The following GLUD1 variants were observed in gnomAD, a reference collection of about 807,000 sequenced individuals.
GLUD1 encodes the protein glutamate dehydrogenase 1.
Under a neutral mutation model 56.0 loss-of-function variants are expected in GLUD1, and 22 were observed. The observed-to-expected ratio is 0.39, with a 90% CI of 0.28 to 0.56. The LOEUF (loss-of-function observed/expected upper bound fraction) is 0.56. Ranked by LOEUF, GLUD1 falls within the 20% of genes least tolerant of loss-of-function variation. The probability of loss-of-function intolerance (pLI) is 0.58; values close to 1 mark genes in which losing one functional copy is unlikely to be tolerated. For synonymous variants in GLUD1, 223 were observed against 269.9 expected, an observed-to-expected ratio of 0.83 and a Z score of 1.70; for missense variants, 451 against 732.0, an observed-to-expected ratio of 0.62 and a Z score of 4.43.
In GLUD1 at chr10:87,060,631, C is replaced by G; in HGVS notation, c.1197+57G>C. The G allele has an allele frequency of 2.5e-6, 4 of 1,603,516 alleles. No homozygotes were observed. In the South Asian group the frequency reaches 4.4e-5, roughly 18 times the overall value. ...AAAACTCAATCAGACTCTTCTATGA[C>G]CCCCCTAACGTCATTCACATTGATA... On this transcript the variant is annotated intron_variant, in intron 8 of 12. Coordinates refer to ENST00000277865, the MANE Select transcript of GLUD1 (RefSeq NM_005271.5).
intron 1 of GLUD1, among the ~76,000 whole-genome samples, chr10:87,078,303 TCCC>T (rs1248529859): frequency 6.6e-6 from 1 of 152,180 alleles, no homozygotes; most frequent in East Asian, 1.9e-4. Flanking sequence ...TATAGCTCAC[TCCC>T]CCATTTCATT....
intron 1 of GLUD1, among the ~76,000 whole-genome samples, chr10:87,092,215 T>C (rs1841525300): frequency 6.6e-6 from 1 of 152,254 alleles, no homozygotes; most frequent in South Asian, 2.1e-4. Context: ...CTGTTTAGTA[T>C]ACTGTTTATT....
chr10:87,073,744 G>A (rs777827271), intron 4 of GLUD1, among the ~76,000 whole-genome samples: 2 of 147,552 alleles, frequency 1.4e-5, no homozygotes, highest in Non-Finnish European at 3.0e-5. Flanking sequence ...TCAGCCTCCT[G>A]AGTAGCTGGG....
chr10:87,079,590 C>T (rs1441697564), intron 1 of GLUD1, among the ~76,000 whole-genome samples: 1 of 152,204 alleles, frequency 6.6e-6, no homozygotes, highest in Non-Finnish European at 1.5e-5. Context: ...GGCGACCCAG[C>T]CTGCACCATC....
intron 1 of GLUD1, among the ~76,000 whole-genome samples, chr10:87,085,817 T>C (rs956196918): frequency 1.3e-5 from 2 of 152,340 alleles, no homozygotes; most frequent in African/African-American, 2.4e-5. Flanking sequence ...ACTTACAGCC[T>C]GACAGATGGA....
chr10:87,055,648 T>C (rs1349357828), intron 11 of GLUD1, among the ~76,000 whole-genome samples: 1 of 152,024 alleles, frequency 6.6e-6, no homozygotes. Flanking sequence ...GTATTCCAGA[T>C]AAAAGGACCA....
chr10:87,068,459 TA>T (rs1846136653), intron 4 of GLUD1, among the ~76,000 whole-genome samples: 1 of 152,212 alleles, frequency 6.6e-6, no homozygotes, highest in African/African-American at 2.4e-5. Context: ...GACCAGAGGT[TA>T]ATCAGTTTAG....
At chr10:87,053,238 G>T in intron 12 of GLUD1, 104 bp downstream of exon 12, 1 of 794,252 alleles carries the variant, frequency 1.3e-6, no homozygotes, top group East Asian at 2.5e-5. Flanking sequence ...CCATTGAACA[G>T]ATTGATGTTT....
chr10:87,056,231 A>G (rs1016693743), intron 11 of GLUD1, among the ~76,000 whole-genome samples: 1 of 151,746 alleles, frequency 6.6e-6, no homozygotes, highest in African/African-American at 2.4e-5. Context: ...GATATAAGTC[A>G]GCCATTTCCC....
intron 1 of GLUD1, among the ~76,000 whole-genome samples, chr10:87,077,643 G>A (rs1564775385): frequency 6.6e-6 from 1 of 151,060 alleles, no homozygotes; most frequent in Non-Finnish European, 1.5e-5. Flanking sequence ...TGGCTTTGGG[G>A]GTCTTGGTCA....
At chr10:87,091,052 A>C (rs1589386667) in intron 1 of GLUD1, among the ~76,000 whole-genome samples, 2 of 152,176 alleles carry the variant, frequency 1.3e-5, no homozygotes, top group East Asian at 3.8e-4. Flanking sequence ...ACTTTTAAAA[A>C]CTAGTTACTG....
chr10:87,060,752 A>ATG lies in GLUD1; in HGVS notation c.1131_1132dup (p.Ile378ThrfsTer3). On this transcript the variant is annotated frameshift_variant, in exon 8 of 13. Transcript: ENST00000277865. LOFTEE classifies it high-confidence loss of function. ...CTTCTCACTGGCAGCTGGGATCAGT[A>ATG]TGTCACAGTCGGCCTCCAAGATGCT... 6.2e-7 allele frequency: 1 copy of ATG among 1,614,192 alleles called. No homozygotes were observed. The highest frequency in any genetic ancestry group is 8.5e-7 in the Non-Finnish European group (1 of 1,180,034).
intron 1 of GLUD1, among the ~76,000 whole-genome samples, chr10:87,090,796 T>G (rs1841493651): frequency 6.6e-6 from 1 of 152,216 alleles, no homozygotes; most frequent in Non-Finnish European, 1.5e-5. Context: ...ACTGTGAGTT[T>G]ATTAAAAGTT....
rs1407858139 is a variant in GLUD1 at position 87,086,594 on chromosome 10, C to T, written c.445+7731G>A. On this transcript the variant is annotated intron_variant, in intron 1 of 12. Coordinates refer to ENST00000277865, the MANE Select transcript of GLUD1 (RefSeq NM_005271.5). ...ATCCCAGCACTTTGGGAGGCCGAGG[C>T]GGGCGGATCATGAGGTCAGGAGATC... is the stretch of plus-strand genomic sequence containing the variant. 8.6e-5 allele frequency among the ~76,000 whole-genome samples: 13 copies of T among 151,360 alleles called. No individual in the cohort carries two copies. The East Asian group carries it at 9.7e-4, about 11-fold the overall frequency.
At chr10:87,066,951 C>T (rs1329549550) in intron 5 of GLUD1, among the ~76,000 whole-genome samples, 2 of 152,216 alleles carry the variant, frequency 1.3e-5, no homozygotes, top group African/African-American at 4.8e-5. Context: ...CTCTGTGACT[C>T]AGCCTGGTCC....
chr10:87,070,036 A>T (rs1336847123), intron 4 of GLUD1, among the ~76,000 whole-genome samples: 1 of 152,218 alleles, frequency 6.6e-6, no homozygotes, highest in African/African-American at 2.4e-5. Context: ...GGTCAGCACA[A>T]CTTTGTTTAA....
chr10:87,086,720 A>G (rs1841390869), intron 1 of GLUD1, among the ~76,000 whole-genome samples: 1 of 151,080 alleles, frequency 6.6e-6, no homozygotes, highest in Non-Finnish European at 1.5e-5. Context: ...AGTCCCAGCT[A>G]CTCAGGAGGC....
chr10:87,082,240 A>G (rs1841278969), intron 1 of GLUD1, among the ~76,000 whole-genome samples: 1 of 143,620 alleles, frequency 7.0e-6, no homozygotes, highest in African/African-American at 2.7e-5. Context: ...TAAAAATTAG[A>G]AACCAGACCC....
At chr10:87,080,859 C>T (rs1419208645) in intron 1 of GLUD1, among the ~76,000 whole-genome samples, 1 of 150,158 alleles carries the variant, frequency 6.7e-6, no homozygotes, top group African/African-American at 2.5e-5. Context: ...GGGGGTCAGC[C>T]CCCCGCCCGG....
Sources: gnomAD v4.1 joint callset for allele counts (sites outside exome capture counted in the v4.1 genomes callset) on GRCh38, gnomAD v4.1.1 for gene constraint, MANE v1.5 for transcripts, NCBI Gene and HGNC (gene_info 2026-07-23, HGNC 2026-07-21) for gene names.